The following PCLO variants were observed in gnomAD, a reference collection of about 807,000 sequenced individuals.
The protein encoded by PCLO is piccolo presynaptic cytomatrix protein.
PCLO carries 82 observed loss-of-function variants against 427.5 expected under a neutral mutation model. That is an observed-to-expected ratio of 0.19 (90% confidence interval 0.16 to 0.23). PCLO has a LOEUF of 0.23. PCLO is among the 10% of genes least tolerant of loss of function. PCLO has a pLI of 1.00. For synonymous variants in PCLO, 2,357 were observed against 2,155.4 expected (o/e 1.09, Z -2.59); for missense variants, 6,239 against 6,115.9 (o/e 1.02, Z -0.67).
At chr7:82,865,021 T>C (rs964575527) in intron 10 of PCLO, among the ~76,000 whole-genome samples, 1 of 152,182 alleles carries the variant, frequency 6.6e-6, no homozygotes, top group South Asian at 2.1e-4. Context: ...TTCACCTTTG[T>C]TCTCATAAAT....
At position 82,990,052 on chromosome 7, in the gene PCLO, G is replaced by A. The variant is rs76418088; in HGVS notation, c.3301-23565C>T. 2.9e-3 allele frequency among the ~76,000 whole-genome samples: 437 copies of A among 152,238 alleles called. 10 individuals carry two copies. In the East Asian group the frequency reaches 0.05, roughly 17 times the overall value. On this transcript the variant is annotated intron_variant, in intron 3 of 24. Transcript: ENST00000333891. The stretch of plus-strand genomic sequence containing the variant: ...TGAAGGAAGTTTGTGGGAAAATAGT[G>A]AAATTAAGGGGGAAGGGGACTTTAA...
At chr7:83,138,997 A>G (rs1416846536) in intron 2 of PCLO, among the ~76,000 whole-genome samples, 2 of 152,218 alleles carry the variant, frequency 1.3e-5, no homozygotes, top group African/African-American at 2.4e-5. Context: ...TTAAAAAATT[A>G]TGATATAAAA....
intron 9 of PCLO, among the ~76,000 whole-genome samples, chr7:82,896,139 C>T (rs140042141): frequency 8.6e-5 from 13 of 151,814 alleles, no homozygotes; most frequent in South Asian, 4.1e-4. Context: ...AATAGTTAGA[C>T]GGAAACTTAC....
At chr7:82,912,534 A>C (rs373226336) in intron 7 of PCLO, among the ~76,000 whole-genome samples, 1 of 151,912 alleles carries the variant, frequency 6.6e-6, no homozygotes, top group East Asian at 1.9e-4. Flanking sequence ...TTTATGAATA[A>C]TTTCCTTGTC....
chr7:83,021,716 A>G (rs1369295469), intron 3 of PCLO, among the ~76,000 whole-genome samples: 1 of 152,204 alleles, frequency 6.6e-6, no homozygotes, highest in Non-Finnish European at 1.5e-5. Flanking sequence ...ATTGTGATTA[A>G]GAGTAAAGCG....
chr7:83,096,792 TAA>T (rs1241399611), intron 3 of PCLO, among the ~76,000 whole-genome samples: 1 of 107,458 alleles, frequency 9.3e-6, no homozygotes, highest in African/African-American at 3.7e-5. Context: ...TAAATATATA[TAA>T]AAATATATTA....
At chr7:83,129,343 C>G (rs974744914) in intron 3 of PCLO, among the ~76,000 whole-genome samples, 1 of 151,344 alleles carries the variant, frequency 6.6e-6, no homozygotes. Flanking sequence ...GTTTTTTTTT[C>G]TGGATCATAA....
intron 9 of PCLO, among the ~76,000 whole-genome samples, chr7:82,896,920 G>A (rs1180949533): frequency 2.0e-5 from 3 of 151,534 alleles, no homozygotes; most frequent in Non-Finnish European, 4.4e-5. Flanking sequence ...GTCCATTATG[G>A]AACTGTACAT....
intron 3 of PCLO, among the ~76,000 whole-genome samples, chr7:83,101,414 A>G (rs1262302318): frequency 6.6e-6 from 1 of 152,118 alleles, no homozygotes; most frequent in Non-Finnish European, 1.5e-5. Flanking sequence ...AATCTGCATC[A>G]CTAGTGATTT....
chr7:82,922,829 A>G (rs759290328), intron 6 of PCLO, among the ~76,000 whole-genome samples: 3 of 152,070 alleles, frequency 2.0e-5, no homozygotes, highest in African/African-American at 7.2e-5. Context: ...CCATTCTGAA[A>G]CCATCATACT....
In PCLO at chr7:82,855,410, C is replaced by G. The variant is rs532096671; in HGVS notation, c.13655-8163G>C. Reference sequence around the variant, plus strand: ...GTATCAGTAAATAAAAAAACTAATTCAACTTATGCCAACTAAGCCTACATG... The same window carrying G: ...GTATCAGTAAATAAAAAAACTAATTGAACTTATGCCAACTAAGCCTACATG... On this transcript the variant is annotated intron_variant, in intron 10 of 24. Transcript: ENST00000333891. 5.6e-4 allele frequency among the ~76,000 whole-genome samples: 86 copies of G among 152,228 alleles called. 1 individual carries two copies. The highest frequency in any genetic ancestry group is 2.0e-3 in the African/African-American group (85 of 41,564).
intron 1 of PCLO, among the ~76,000 whole-genome samples, chr7:83,159,976 AT>A (rs1480746267): frequency 1.3e-5 from 2 of 152,088 alleles, no homozygotes; most frequent in African/African-American, 4.8e-5. Flanking sequence ...CATTGAACTG[AT>A]TTTTCCACAT....
chr7:82,760,913 C>A, intron 23 of PCLO, 129 bp from the exon 24 acceptor site: 3 of 232,994 alleles, frequency 1.3e-5, no homozygotes, highest in African/African-American at 2.5e-5. Context: ...CGATTTGTTT[C>A]AGATAACATA....
At chr7:83,139,962 T>G (rs938850670) in intron 2 of PCLO, among the ~76,000 whole-genome samples, 8 of 152,064 alleles carry the variant, frequency 5.3e-5, no homozygotes, top group Admixed American at 5.2e-4. Flanking sequence ...CAAGCCCCGA[T>G]GCAACTGACA....
chr7:83,057,918 A>G (rs1052050211), intron 3 of PCLO, among the ~76,000 whole-genome samples: 2 of 152,218 alleles, frequency 1.3e-5, no homozygotes, highest in African/African-American at 4.8e-5. Context: ...ATAACAATAT[A>G]TATCAGAAAA....
intron 3 of PCLO, among the ~76,000 whole-genome samples, chr7:83,122,265 CTTCT>C (rs149625718): frequency 0.11 from 16,243 of 145,174 alleles, 1,885 homozygotes; most frequent in African/African-American, 0.3. Context: ...GCACTCTTTC[CTTCT>C]TTCTTTCTTT....
intron 3 of PCLO, among the ~76,000 whole-genome samples, chr7:83,113,094 G>A (rs1476908256): frequency 6.6e-6 from 1 of 152,172 alleles, no homozygotes; most frequent in East Asian, 1.9e-4. Flanking sequence ...TTTAGCAAGC[G>A]CCATGTACTG....
chr7:83,109,220 T>G (rs929356), intron 3 of PCLO, among the ~76,000 whole-genome samples: 78,473 of 151,928 alleles, frequency 0.52, 20,826 homozygotes, highest in African/African-American at 0.64. Context: ...ACAATTTTAT[T>G]TGACTTTCCA....
intron 10 of PCLO, among the ~76,000 whole-genome samples, chr7:82,869,919 A>G (rs1793189764): frequency 6.6e-6 from 1 of 151,972 alleles, no homozygotes. Flanking sequence ...CAATTTTTTC[A>G]ATGGATAAAA....
Sources: gnomAD v4.1 joint callset for allele counts (sites outside exome capture counted in the v4.1 genomes callset) on GRCh38, gnomAD v4.1.1 for gene constraint, MANE v1.5 for transcripts, NCBI Gene and HGNC (gene_info 2026-07-23, HGNC 2026-07-21) for gene names.